Variants in SRP54 observed in about 807,000 individuals in gnomAD.
SRP54 encodes the protein signal recognition particle 54.
Under a neutral mutation model 64.8 loss-of-function variants are expected in SRP54, and 10 were observed. The observed-to-expected ratio is 0.15, with a 90% CI of 0.10 to 0.26. SRP54 has a LOEUF of 0.26. SRP54 is among the 10% of genes least tolerant of loss of function. The probability of loss-of-function intolerance (pLI) is 1.00; values close to 1 mark genes in which losing one functional copy is unlikely to be tolerated. For synonymous variants in SRP54, 193 were observed against 185.6 expected (o/e 1.04, Z -0.32); for missense variants, 325 against 613.7 (o/e 0.53, Z 4.97).
chr14:34,999,013 G>GTTTT (rs67731589), intron 2 of SRP54, among the ~76,000 whole-genome samples: 22 of 39,574 alleles, frequency 5.6e-4, no homozygotes, highest in Non-Finnish European at 9.3e-4. Flanking sequence ...GTGTGTGTGT[G>GTTTT]GTTTTTTTTT....
At chr14:35,009,525 T>C (rs924255536) in intron 7 of SRP54, among the ~76,000 whole-genome samples, 2 of 152,062 alleles carry the variant, frequency 1.3e-5, no homozygotes, top group African/African-American at 4.8e-5. Flanking sequence ...GATTTTCAAG[T>C]TGACAAAGAT....
chr14:35,020,424 G>A (rs1434126758), intron 13 of SRP54, among the ~76,000 whole-genome samples: 1 of 152,134 alleles, frequency 6.6e-6, no homozygotes, highest in Admixed American at 6.6e-5. Context: ...TGTAGTATTC[G>A]ATGCTGTTCG....
chr14:35,004,390 A>G (rs1360522497), intron 4 of SRP54, among the ~76,000 whole-genome samples: 1 of 152,226 alleles, frequency 6.6e-6, no homozygotes, highest in Admixed American at 6.5e-5. Context: ...AAATATGTCA[A>G]TGACGAGAGA....
intron 14 of SRP54, among the ~76,000 whole-genome samples, chr14:35,024,604 G>A (rs2044590689): frequency 6.7e-6 from 1 of 149,892 alleles, no homozygotes; most frequent in African/African-American, 2.4e-5. Context: ...AATGTAGCCA[G>A]CCTATCTTTT....
At chr14:35,022,814 T>A in intron 13 of SRP54, 96 bp from the exon 14 acceptor site, 2 of 962,702 alleles carry the variant, frequency 2.1e-6, no homozygotes, top group Non-Finnish European at 1.4e-6. Flanking sequence ...TAAAAACATC[T>A]GCTAAGCTCT....
At chr14:35,012,794 A>T (rs1048202711) in intron 8 of SRP54, among the ~76,000 whole-genome samples, 1 of 152,110 alleles carries the variant, frequency 6.6e-6, no homozygotes, top group African/African-American at 2.4e-5. Context: ...TTTATTATAT[A>T]TGTCCTCTGA....
intron 5 of SRP54, among the ~76,000 whole-genome samples, chr14:35,007,853 C>T (rs979813563): frequency 6.7e-6 from 1 of 149,746 alleles, no homozygotes; most frequent in Non-Finnish European, 1.5e-5. Context: ...TTTTGTGTTA[C>T]TTGATGTATG....
chr14:35,011,552 G>C lies in SRP54; in HGVS notation c.529G>C (p.Glu177Gln). 1 of 1,584,640 alleles carries C rather than the reference G, an allele frequency of 6.3e-7. No homozygotes were observed. Among genetic ancestry groups the C allele is most frequent in the East Asian group, 2.2e-5 (1 of 44,500 alleles). Residue 177 changes from glutamate to glutamine, a missense_variant, in exon 8 of 16, where the codon GAG (glutamate) becomes CAG (glutamine). By Grantham distance (29) the Glu-to-Gln change is conservative. Around this residue, in one of 3 missense-constraint regions of SRP54, gnomAD observed 156 missense variants for 254.6 expected, o/e 0.61. Coordinates refer to ENST00000216774, the MANE Select transcript of SRP54 (RefSeq NM_003136.4). ...DPVIIASEGV[E>Q]KFKNENFEII... Reference sequence around the variant, plus strand: ...TGTCATCATTGCTTCTGAAGGAGTAGAGAAATTTAAAAATGAAAATTTTGA... The same window carrying C: ...TGTCATCATTGCTTCTGAAGGAGTACAGAAATTTAAAAATGAAAATTTTGA...
chr14:35,014,623 T>C (rs2044409125), intron 10 of SRP54, 121 bp from the exon 11 acceptor site: 6 of 734,726 alleles, frequency 8.2e-6, no homozygotes, highest in Non-Finnish European at 1.3e-5. Context: ...ATTTGTGTAG[T>C]GTAGTAAGAA....
In SRP54 at chr14:34,999,687, T is replaced by A. The variant is rs12433712; in HGVS notation, c.170+38T>A. The A allele has an allele frequency of 0.39, 560,112 of 1,447,684 alleles. 112,805 individuals carry two copies. The highest frequency in any genetic ancestry group is 0.72 in the East Asian group (31,875 of 43,990). The allele number at this position is 1,447,684 out of a possible 1,614,324, so 89.7% of individuals were successfully genotyped here. ...AATCAGGTAAAACACAGGCACAGTT[T>A]AGTTTAGTTTACTGGAAAGAGGTGC... is the stretch of plus-strand genomic sequence containing the variant. On this transcript the variant is annotated intron_variant, in intron 3 of 15. Coordinates refer to ENST00000216774, the MANE Select transcript of SRP54 (RefSeq NM_003136.4).
In SRP54 at chr14:34,998,821, C is replaced by CA. The variant is rs1172170156; in HGVS notation, c.79-725dup. The stretch of plus-strand genomic sequence containing the variant: ...AGAGCGAAACTCTGAAACTCTGTTC[C>CA]AAAAAAAAAAAAGAAAAGCAAATAT... On this transcript the variant is annotated intron_variant, in intron 2 of 15. Coordinates refer to ENST00000216774, the MANE Select transcript of SRP54 (RefSeq NM_003136.4). 7.9e-3 allele frequency among the ~76,000 whole-genome samples: 1,023 copies of CA among 129,020 alleles called. 11 individuals are homozygous for CA. The highest frequency in any genetic ancestry group is 0.023 in the African/African-American group (796 of 35,032). 84.6% of individuals were successfully genotyped at this position (129,020 alleles called of 152,430 possible).
intron 14 of SRP54, among the ~76,000 whole-genome samples, chr14:35,026,265 G>A (rs1366982251): frequency 1.3e-5 from 2 of 149,232 alleles, no homozygotes; most frequent in Non-Finnish European, 3.0e-5. Flanking sequence ...GTGTCACCCA[G>A]GCTGGGGGCT....
chr14:34,995,206 A>T (rs1306042775), intron 1 of SRP54, among the ~76,000 whole-genome samples: 4 of 122,918 alleles, frequency 3.3e-5, no homozygotes, highest in South Asian at 5.2e-4. Flanking sequence ...GAGAGGGAGA[A>T]ATGGATATAA....
intron 7 of SRP54, among the ~76,000 whole-genome samples, chr14:35,009,165 G>A (rs1311889173): frequency 1.3e-5 from 2 of 151,710 alleles, no homozygotes; most frequent in African/African-American, 4.8e-5. Context: ...TGGAATTACA[G>A]GCATGAGCCA....
At chr14:35,000,562 CAA>C (rs59878870) in intron 3 of SRP54, among the ~76,000 whole-genome samples, 11 of 121,972 alleles carry the variant, frequency 9.0e-5, no homozygotes, top group Admixed American at 1.7e-4. Flanking sequence ...GAGACTGTCT[CAA>C]AAAAAAAAAA....
chr14:35,014,726 CT>C lies in SRP54; in HGVS notation c.887-12del. 1 of 1,600,970 alleles carries C rather than the reference CT, an allele frequency of 6.2e-7. No individual in the cohort carries two copies. The highest frequency in any genetic ancestry group is 8.5e-7 in the Non-Finnish European group (1 of 1,171,776). Reference sequence around the variant, plus strand: ...GGTATAGTATTAGTTGTTAATTTTTCTTTTTTGTATCTTATAGGTATGGGCG... The same window carrying C: ...GGTATAGTATTAGTTGTTAATTTTTCTTTTTGTATCTTATAGGTATGGGCG... On this transcript the variant is annotated splice_polypyrimidine_tract_variant and intron_variant, in intron 10 of 15. Coordinates refer to ENST00000216774, the MANE Select transcript of SRP54 (RefSeq NM_003136.4).
intron 3 of SRP54, 25 bp from the exon 4 acceptor site, chr14:35,000,911 C>G (rs1478310287): frequency 6.9e-7 from 1 of 1,445,586 alleles, no homozygotes; most frequent in South Asian, 1.3e-5. Flanking sequence ...CCTCCCCACC[C>G]CAATCACCAA....
chr14:35,001,382 C>T (rs2044169979), intron 4 of SRP54, among the ~76,000 whole-genome samples: 1 of 152,048 alleles, frequency 6.6e-6, no homozygotes, highest in Non-Finnish European at 1.5e-5. Context: ...AACTCCTGAC[C>T]TCAGGCGATC....
At chr14:35,018,091 C>T (rs961628753) in intron 11 of SRP54, among the ~76,000 whole-genome samples, 1 of 152,194 alleles carries the variant, frequency 6.6e-6, no homozygotes, top group Non-Finnish European at 1.5e-5. Flanking sequence ...AGTGATAGAG[C>T]ACAACCCTCT....
Sources: allele counts gnomAD v4.1 joint callset (sites outside exome capture counted in the v4.1 genomes callset), GRCh38; gene constraint gnomAD v4.1.1; regional missense constraint gnomAD v4.1.1; transcripts MANE v1.5; gene names NCBI Gene and HGNC (gene_info 2026-07-23, HGNC 2026-07-21).